Variants in GRM8 observed in about 807,000 individuals in gnomAD.
GRM8 encodes metabotropic glutamate receptor 8.
In GRM8, 47 loss-of-function variants were observed where a neutral mutation model predicts 87.2. That is an observed-to-expected ratio of 0.54 (90% confidence interval 0.43 to 0.69). The LOEUF (loss-of-function observed/expected upper bound fraction) is 0.69, where lower values mean the gene tolerates loss of function less well. Among genes scored for constraint, GRM8 ranks in the 30% least tolerant of loss-of-function variants. The probability of loss-of-function intolerance (pLI) is 0.00; values close to 1 mark genes in which losing one functional copy is unlikely to be tolerated. For missense variants in GRM8, 1,019 were observed against 1,139.2 expected, an observed-to-expected ratio of 0.89 and a Z score of 1.52; for synonymous variants, 396 against 404.5, an observed-to-expected ratio of 0.98 and a Z score of 0.25.
At chr7:126,477,325 T>C (rs1442716766) in intron 9 of GRM8, among the ~76,000 whole-genome samples, 1 of 152,040 alleles carries the variant, frequency 6.6e-6, no homozygotes, top group Non-Finnish European at 1.5e-5. Context: ...TGTGGCAGCA[T>C]GGTGACTGTT....
At chr7:126,905,666 G>A (rs1802603510) in intron 3 of GRM8, among the ~76,000 whole-genome samples, 1 of 152,098 alleles carries the variant, frequency 6.6e-6, no homozygotes, top group Non-Finnish European at 1.5e-5. Flanking sequence ...TACGCACTGG[G>A]CTCAACATTG....
At chr7:126,509,907 A>G (rs997416820) in intron 9 of GRM8, among the ~76,000 whole-genome samples, 1 of 152,074 alleles carries the variant, frequency 6.6e-6, no homozygotes. Flanking sequence ...AGATGCAAAT[A>G]AGATCTGAAA....
intron 6 of GRM8, among the ~76,000 whole-genome samples, chr7:126,775,599 A>G (rs921811555): frequency 3.3e-5 from 5 of 150,764 alleles, no homozygotes; most frequent in African/African-American, 4.9e-5. Flanking sequence ...GAATATCTCC[A>G]GAGCACTAGG....
chr7:127,243,187 C>A lies in GRM8; in HGVS notation c.18G>T (p.Lys6Asn), dbSNP rs1187342261. ...AGAAACAAGGGCAAGAGGCTGATCG[C>A]TTTCCCTCGCATACCATTTTCTCCA... MVCEGKRSASCPCFFL... is the reference protein window; with the variant it reads MVCEGNRSASCPCFFL... The change falls in exon 2 of 11, where the codon AAG becomes AAT. Residue 6 changes from lysine (K) to asparagine (N), a missense_variant. Physicochemically the swap from Lys to Asn is moderately conservative, Grantham distance 94. Coordinates refer to ENST00000339582, the MANE Select transcript of GRM8 (RefSeq NM_000845.3). 5 of 1,607,972 alleles carry A rather than the reference C, an allele frequency of 3.1e-6. No homozygotes were observed. The highest frequency in any genetic ancestry group is 4.2e-6 in the Non-Finnish European group (5 of 1,179,630).
intron 7 of GRM8, among the ~76,000 whole-genome samples, chr7:126,753,991 C>G (rs1346033105): frequency 6.6e-6 from 1 of 151,758 alleles, no homozygotes; most frequent in Non-Finnish European, 1.5e-5. Flanking sequence ...CCCTTGTCTA[C>G]AAAGAGAAAT....
Position 127,106,663 on chromosome 7 carries a change from G to T in GRM8, c.560C>A (p.Thr187Asn), listed in dbSNP as rs773432214. The stretch of plus-strand genomic sequence containing the variant: ...CACTCGAGAGAAAAAGTCATACCTG[G>T]TGTTATCACTTAGCTCTGGGGCTGT... ...ASTAPELSDNTRYDFFSRVVP... is the reference protein window; with the variant it reads ...ASTAPELSDNNRYDFFSRVVP... Residue 187 changes from threonine to asparagine, a missense_variant, in exon 3 of 11, where the codon ACC becomes AAC. Coordinates refer to ENST00000339582, the MANE Select transcript of GRM8 (RefSeq NM_000845.3). 1 of 1,613,712 alleles carries T rather than the reference G, an allele frequency of 6.2e-7. No homozygotes were observed. Among genetic ancestry groups the T allele is most frequent in the Admixed American group, 1.7e-5 (1 of 59,980 alleles).
intron 8 of GRM8, among the ~76,000 whole-genome samples, chr7:126,580,812 G>A (rs750450688): frequency 3.3e-5 from 5 of 152,068 alleles, no homozygotes; most frequent in Non-Finnish European, 7.4e-5. Flanking sequence ...ATTTCTCAAA[G>A]TAGGTTTAAG....
intron 3 of GRM8, among the ~76,000 whole-genome samples, chr7:126,965,835 T>G (rs952385508): frequency 6.6e-6 from 1 of 152,106 alleles, no homozygotes; most frequent in Non-Finnish European, 1.5e-5. Context: ...CATAAGTAAG[T>G]GTAATTAGCT....
chr7:127,037,714 C>A (rs751153350), intron 3 of GRM8, among the ~76,000 whole-genome samples: 22 of 152,070 alleles, frequency 1.4e-4, no homozygotes, highest in Admixed American at 1.4e-3. Context: ...AAAGGAGAAG[C>A]CTGCAGAACC....
intron 9 of GRM8, among the ~76,000 whole-genome samples, chr7:126,500,896 AC>A (rs1809540971): frequency 6.6e-6 from 1 of 151,900 alleles, no homozygotes; most frequent in Non-Finnish European, 1.5e-5. Flanking sequence ...TATTTTGTAG[AC>A]CATTAAGCTA....
chr7:126,838,962 G>A (rs764688657), intron 6 of GRM8, among the ~76,000 whole-genome samples: 1 of 152,164 alleles, frequency 6.6e-6, no homozygotes, highest in Non-Finnish European at 1.5e-5. Context: ...GGCTGCTTCT[G>A]AAGAACGGCA....
At position 127,242,937 on chromosome 7, in the gene GRM8, G is replaced by A; in HGVS notation, c.268C>T (p.Pro90Ser). ...LYAIDQINKD[P>S]DLLSNITLGV... ...AGAGTGATGTTGGAAAGGAGATCAG[G>A]GTCCTTGTTAATCTGGTCAATTGCA... is the stretch of plus-strand genomic sequence containing the variant. The change falls in exon 2 of 11, where the codon CCT (proline) becomes TCT (serine). Residue 90 changes from proline to serine, a missense_variant. Physicochemically the swap from Pro to Ser is moderately conservative, Grantham distance 74. Transcript: ENST00000339582. 1 of 1,614,110 alleles carries A rather than the reference G, an allele frequency of 6.2e-7. No homozygotes were observed. Among genetic ancestry groups the A allele is most frequent in the Non-Finnish European group, 8.5e-7 (1 of 1,180,014 alleles).
At position 127,028,982 on chromosome 7, in the gene GRM8, A is replaced by C. The variant is rs533664510; in HGVS notation, c.727+77514T>G. Among the ~76,000 whole-genome samples, 41 of 152,190 alleles carry C rather than the reference A, an allele frequency of 2.7e-4. 2 individuals are homozygous for C. The South Asian group carries it at 5.8e-3, about 22-fold the overall frequency. ...TCTTTTGTGGGCATTTAGTGCTATA[A>C]ATTTCCCTCTACACACTGCTTTAAA... On this transcript the variant is annotated intron_variant, in intron 3 of 10. Transcript: ENST00000339582.
intron 3 of GRM8, among the ~76,000 whole-genome samples, chr7:126,972,681 C>T (rs1810551025): frequency 6.6e-6 from 1 of 152,114 alleles, no homozygotes; most frequent in South Asian, 2.1e-4. Context: ...AACAAAGATG[C>T]CGTATTTTGT....
At chr7:126,864,132 A>C (rs1370994901) in intron 6 of GRM8, among the ~76,000 whole-genome samples, 1 of 148,972 alleles carries the variant, frequency 6.7e-6, no homozygotes, top group Non-Finnish European at 1.5e-5. Flanking sequence ...CAGCCTCCCA[A>C]AGTGTTGGGA....
At position 126,727,739 on chromosome 7, in the gene GRM8, A is replaced by ACC. The variant is rs1554470064; in HGVS notation, c.1357+42124_1357+42125dup. Among the ~76,000 whole-genome samples the ACC allele has an allele frequency of 1.1e-3, 157 of 145,610 alleles. 2 individuals carry two copies. The highest frequency in any genetic ancestry group is 2.9e-3 in the African/African-American group (113 of 39,640). Reference sequence around the variant, plus strand: ...CACACACACACACACACACACACACACCCCTAAAAAAACAAAACTATAGGT... The same window carrying ACC: ...CACACACACACACACACACACACACACCCCCCTAAAAAAACAAAACTATAGGT... On this transcript the variant is annotated intron_variant, in intron 7 of 10. Transcript: ENST00000339582.
At chr7:127,026,218 T>A (rs1816762010) in intron 3 of GRM8, among the ~76,000 whole-genome samples, 1 of 152,230 alleles carries the variant, frequency 6.6e-6, no homozygotes, top group East Asian at 1.9e-4. Context: ...ATGGTGTATA[T>A]GTGCCACATT....
At position 126,904,649 on chromosome 7, in the gene GRM8, T is replaced by C; in HGVS notation, c.762A>G (p.Pro254=). The C allele has an allele frequency of 6.2e-6, 10 of 1,613,660 alleles. No individual in the cohort carries two copies. The highest frequency in any genetic ancestry group is 8.5e-6 in the Non-Finnish European group (10 of 1,179,592). Residue 254 remains proline (P), a synonymous_variant, in exon 4 of 11, where the codon CCA becomes CCG. Coordinates refer to ENST00000339582, the MANE Select transcript of GRM8 (RefSeq NM_000845.3). Reference sequence around the variant, plus strand: ...CAAATTCTCCAGGTCTTGGTTCACGTGGGATTTTCTGTGACTGAGCAATGC... The same window carrying C: ...CAAATTCTCCAGGTCTTGGTTCACGCGGGATTTTCTGTGACTGAGCAATGC... ...GVCIAQSQKI[P]REPRPGEFEK...
intron 6 of GRM8, among the ~76,000 whole-genome samples, chr7:126,828,925 G>C (rs1363663649): frequency 6.6e-6 from 1 of 152,110 alleles, no homozygotes; most frequent in East Asian, 1.9e-4. Context: ...TGGTTTCAAA[G>C]AACATCTTTA....
Sources: allele counts gnomAD v4.1 joint callset (sites outside exome capture counted in the v4.1 genomes callset), GRCh38; gene constraint gnomAD v4.1.1; transcripts MANE v1.5; gene names NCBI Gene and HGNC (gene_info 2026-07-23, HGNC 2026-07-21).